Variants in SEMA5A observed in about 807,000 individuals in gnomAD.
SEMA5A encodes semaphorin 5A, also known as semaphorin-5A.
A neutral mutation model predicts 135.5 loss-of-function variants in SEMA5A; 55 were observed. The ratio of observed to expected loss-of-function variants is 0.41; its 90% CI spans 0.33 to 0.51. SEMA5A has a LOEUF of 0.51. SEMA5A is among the 20% of genes least tolerant of loss of function. SEMA5A has a pLI of 0.37. For missense variants in SEMA5A, 1,290 were observed against 1,419.9 expected, an observed-to-expected ratio of 0.91 and a Z score of 1.47; for synonymous variants, 580 against 546.5, an observed-to-expected ratio of 1.06 and a Z score of -0.85.
intron 2 of SEMA5A, among the ~76,000 whole-genome samples, chr5:9,383,166 G>A (rs529519554): frequency 6.6e-6 from 1 of 152,322 alleles, no homozygotes; most frequent in South Asian, 2.1e-4. Context: ...TTGAAAAGGA[G>A]TTACAGTGTG....
intron 1 of SEMA5A, among the ~76,000 whole-genome samples, chr5:9,439,297 GGCAACAAA>G (rs1758147553): frequency 6.6e-6 from 1 of 152,138 alleles, no homozygotes; most frequent in African/African-American, 2.4e-5. Flanking sequence ...CTTTGGGCGT[GGCAACAAA>G]ATATGTTAGT....
At chr5:9,453,044 T>C (rs1009134376) in intron 1 of SEMA5A, among the ~76,000 whole-genome samples, 3 of 152,222 alleles carry the variant, frequency 2.0e-5, no homozygotes, top group East Asian at 1.9e-4. Flanking sequence ...TGCTTCATTA[T>C]CCTAAGTCTA....
intron 5 of SEMA5A, among the ~76,000 whole-genome samples, chr5:9,313,658 C>T (rs991023084): frequency 2.0e-5 from 3 of 152,064 alleles, no homozygotes; most frequent in African/African-American, 7.2e-5. Flanking sequence ...AAGTACTAGT[C>T]AGAAGTAAAG....
chr5:9,454,454 C>A lies in SEMA5A; in HGVS notation c.-174-16602G>T, dbSNP rs181016280. ...TCACAAGTTGTCCCTTTGATATATT[C>A]GCATCTGTTCTGTGTTGAATTGAAA... On this transcript the variant is annotated intron_variant, in intron 1 of 22. Transcript: ENST00000382496. Among the ~76,000 whole-genome samples, 23 of 152,284 alleles carry A rather than the reference C, an allele frequency of 1.5e-4. No individual in the cohort carries two copies. The East Asian group carries it at 4.4e-3, about 29-fold the overall frequency.
At chr5:9,449,433 A>G (rs1758553983) in intron 1 of SEMA5A, among the ~76,000 whole-genome samples, 2 of 152,136 alleles carry the variant, frequency 1.3e-5, no homozygotes, top group Non-Finnish European at 2.9e-5. Flanking sequence ...TGGGGGAGGG[A>G]GAGCATCAGG....
intron 11 of SEMA5A, among the ~76,000 whole-genome samples, chr5:9,180,564 A>G (rs548079290): frequency 6.6e-6 from 1 of 152,282 alleles, no homozygotes; most frequent in South Asian, 2.1e-4. Context: ...CCTGACACTT[A>G]GATAGTTGCA....
chr5:9,389,149 C>T (rs1356269303), intron 2 of SEMA5A, among the ~76,000 whole-genome samples: 1 of 152,152 alleles, frequency 6.6e-6, no homozygotes, highest in East Asian at 1.9e-4. Flanking sequence ...TTGAATATCT[C>T]CTGACATCCT....
At chr5:9,460,662 G>A (rs192894373) in intron 1 of SEMA5A, among the ~76,000 whole-genome samples, 1 of 152,186 alleles carries the variant, frequency 6.6e-6, no homozygotes, top group African/African-American at 2.4e-5. Flanking sequence ...GTCTTGAAAT[G>A]TTTATTAACT....
At chr5:9,438,983 G>C (rs1003176677) in intron 1 of SEMA5A, among the ~76,000 whole-genome samples, 1 of 152,218 alleles carries the variant, frequency 6.6e-6, no homozygotes, top group Non-Finnish European at 1.5e-5. Context: ...GCCTCTCTAT[G>C]AGTCTCCCTT....
At chr5:9,092,235 A>G (rs1739074716) in intron 16 of SEMA5A, among the ~76,000 whole-genome samples, 1 of 152,238 alleles carries the variant, frequency 6.6e-6, no homozygotes, top group African/African-American at 2.4e-5. Context: ...CATGAGGTGC[A>G]GCATGGGAAA....
chr5:9,128,413 T>C (rs1216630799), intron 13 of SEMA5A, among the ~76,000 whole-genome samples: 3 of 152,208 alleles, frequency 2.0e-5, no homozygotes, highest in African/African-American at 7.2e-5. Flanking sequence ...CTTTCTCTGC[T>C]CCTTCTCTTC....
chr5:9,319,693 T>C (rs1396155191), intron 4 of SEMA5A, among the ~76,000 whole-genome samples: 2 of 151,900 alleles, frequency 1.3e-5, no homozygotes, highest in African/African-American at 4.8e-5. Flanking sequence ...GTAAGCAAAC[T>C]CTAAGATGCA....
chr5:9,470,296 A>G (rs1759429867), intron 1 of SEMA5A, among the ~76,000 whole-genome samples: 1 of 152,254 alleles, frequency 6.6e-6, no homozygotes, highest in Non-Finnish European at 1.5e-5. Flanking sequence ...CAAATTATGC[A>G]GCAATACTGT....
chr5:9,338,799 ACATCAGTGTTATGTTTTTAATGGGGG>A (rs1753510777), intron 3 of SEMA5A, among the ~76,000 whole-genome samples: 1 of 152,182 alleles, frequency 6.6e-6, no homozygotes, highest in Admixed American at 6.5e-5. Context: ...GATGCTAAAC[ACATCAGTGTTATGTTTTTAATGGGGG>A]CATATGGAAA....
chr5:9,296,629 C>G (rs1396832358), intron 5 of SEMA5A, among the ~76,000 whole-genome samples: 1 of 151,864 alleles, frequency 6.6e-6, no homozygotes, highest in Non-Finnish European at 1.5e-5. Context: ...ATTTGGTTAC[C>G]TGTTATTCTC....
chr5:9,105,082 T>C (rs990149990), intron 16 of SEMA5A, among the ~76,000 whole-genome samples: 5 of 152,112 alleles, frequency 3.3e-5, no homozygotes, highest in Admixed American at 2.6e-4. Flanking sequence ...GTTCACAGAG[T>C]TAAGTGACAG....
At chr5:9,116,897 T>G (rs915504886) in intron 15 of SEMA5A, among the ~76,000 whole-genome samples, 2 of 152,220 alleles carry the variant, frequency 1.3e-5, no homozygotes, top group African/African-American at 4.8e-5. Context: ...CTATTGCTTA[T>G]GAAGACCACA....
chr5:9,109,198 G>A (rs922507222), intron 15 of SEMA5A, among the ~76,000 whole-genome samples: 4 of 150,826 alleles, frequency 2.7e-5, no homozygotes, highest in Admixed American at 6.6e-5. Context: ...CCGCCACTAC[G>A]CCCGGCTAAT....
chr5:9,192,803 C>G (rs576508579), intron 10 of SEMA5A, among the ~76,000 whole-genome samples: 13 of 152,236 alleles, frequency 8.5e-5, no homozygotes, highest in Non-Finnish European at 1.0e-4. Context: ...CAAGTCACGG[C>G]GGCAGTTAGC....
Sources: gnomAD v4.1 joint callset for allele counts (sites outside exome capture counted in the v4.1 genomes callset) on GRCh38, gnomAD v4.1.1 for gene constraint, MANE v1.5 for transcripts, NCBI Gene and HGNC (gene_info 2026-07-23, HGNC 2026-07-21) for gene names.